Variants in LRRC57 observed in about 807,000 individuals in gnomAD.
LRRC57 encodes the protein leucine rich repeat containing 57.
A neutral mutation model predicts 23.1 loss-of-function variants in LRRC57; 14 were observed. That is an observed-to-expected ratio of 0.61 (90% CI 0.40 to 0.95). LRRC57 has a LOEUF of 0.95. LRRC57 is among the 40% of genes least tolerant of loss of function. The pLI, the probability that LRRC57 is intolerant of heterozygous loss-of-function variation, is 0.00. For missense variants in LRRC57, 236 were observed against 284.4 expected (o/e 0.83, Z 1.22); for synonymous variants, 106 against 115.2 (o/e 0.92, Z 0.51).
the LRRC57 span, chr15:42,528,383 C>T: frequency 2.5e-6 from 4 of 1,614,004 alleles, no homozygotes; most frequent in South Asian, 4.4e-5. Flanking sequence ...GCTTCAGCAA[C>T]CAACAACGGG....
downstream of LRRC57, among the ~76,000 whole-genome samples, chr15:42,534,058 G>C (rs8036149): frequency 0.98 from 150,008 of 152,294 alleles, 73,918 homozygotes; most frequent in East Asian, 1. Flanking sequence ...AACCACATCT[G>C]TACTAAACAT....
chr15:42,529,866 G>A, the LRRC57 span: 46 of 1,595,722 alleles, frequency 2.9e-5, no homozygotes, highest in Non-Finnish European at 3.8e-5. Context: ...CCAGTTCAGT[G>A]TTTCAGTAAT....
intron 4 of LRRC57, among the ~76,000 whole-genome samples, chr15:42,546,447 G>A (rs1267476375): frequency 6.6e-6 from 1 of 151,470 alleles, no homozygotes; most frequent in African/African-American, 2.4e-5. Context: ...ATCCACTTAA[G>A]GTAAAAAAAC....
downstream of LRRC57, among the ~76,000 whole-genome samples, chr15:42,534,063 A>G (rs2057587140): frequency 6.6e-6 from 1 of 152,140 alleles, no homozygotes; most frequent in Non-Finnish European, 1.5e-5. Flanking sequence ...CATCTGTACT[A>G]AACATACAGT....
At position 42,538,494 on chromosome 15, in the gene LRRC57, G is replaced by C. The variant is rs1595536364; in HGVS notation, c.*5589C>G. ...GCTGGCCTCAAACTCCTAGGTTCAA[G>C]GGATCCTCCAGCCTCAGGCCTCCTC... On this transcript the variant is annotated 3_prime_UTR_variant, in exon 6 of 6. Transcript: ENST00000397130. 2 of 152,202 alleles carry C rather than the reference G, an allele frequency of 1.3e-5. No homozygotes were observed. The highest frequency in any genetic ancestry group is 4.2e-4 in the South Asian group (2 of 4,818). 9.4% of individuals were successfully genotyped at this position (152,202 alleles called of 1,614,324 possible). A position where few individuals can be genotyped will look rare whatever the true frequency, so the allele number is the denominator to read the frequency against.
rs1317513073 is a variant in LRRC57 at position 42,539,497 on chromosome 15, A to AAAAAAAAAAAAAAAACAAAAAAG, written c.*4585_*4586insCTTTTTTGTTTTTTTTTTTTTTT. ...TGTCTCAAAAAAAAAAAAAAAAAAA[A>AAAAAAAAAAAAAAAACAAAAAAG]AGAGACTTAAAAGCCAGGCAGTGGC... On this transcript the variant is annotated 3_prime_UTR_variant, in exon 6 of 6. Transcript: ENST00000397130. The AAAAAAAAAAAAAAAACAAAAAAG allele has an allele frequency of 6.7e-6, 1 of 149,266 alleles. No homozygotes were observed. Among genetic ancestry groups the AAAAAAAAAAAAAAAACAAAAAAG allele is most frequent in the African/African-American group, 2.5e-5 (1 of 40,714 alleles). 9.2% of individuals were successfully genotyped at this position (149,266 alleles called of 1,614,324 possible). A position where few individuals can be genotyped will look rare whatever the true frequency, so the allele number is the denominator to read the frequency against.
chr15:42,537,394 TGCTG>T (rs1383805362), downstream of LRRC57, among the ~76,000 whole-genome samples: 3 of 152,068 alleles, frequency 2.0e-5, no homozygotes, highest in Admixed American at 6.6e-5. Flanking sequence ...AGTGAGAAAA[TGCTG>T]GCAAGGATGC....
chr15:42,544,842 C>CACAATATATA, intron 5 of LRRC57, among the ~76,000 whole-genome samples: 4 of 98,028 alleles, frequency 4.1e-5, no homozygotes, highest in African/African-American at 2.7e-4. Flanking sequence ...CACACACACA[C>CACAATATATA]TATATATATA....
Position 42,537,999 on chromosome 15 carries a change from G to A in LRRC57, c.*6084C>T, listed in dbSNP as rs1350747824. ...ATAAGTTTTAATGCTTGATAGCATAGTACGGTGACTATACTTAATGTAAGT... is the reference window on the plus strand; with the variant it reads ...ATAAGTTTTAATGCTTGATAGCATAATACGGTGACTATACTTAATGTAAGT... On this transcript the variant is annotated 3_prime_UTR_variant, in exon 6 of 6. Transcript: ENST00000397130. 2.0e-5 allele frequency: 3 copies of A among 152,162 alleles called. No individual in the cohort carries two copies. Among genetic ancestry groups the A allele is most frequent in the African/African-American group, 4.8e-5 (2 of 41,436 alleles). The allele number at this position is 152,162 out of a possible 1,614,324, so 9.4% of individuals were successfully genotyped here.
chr15:42,532,107 T>C, the LRRC57 span: 1 of 152,086 alleles, frequency 6.6e-6, no homozygotes, highest in Non-Finnish European at 1.5e-5. Context: ...TTTTTTTTTT[T>C]TGGAGTCAGA....
chr15:42,529,852 A>G, the LRRC57 span: 3 of 1,607,708 alleles, frequency 1.9e-6, no homozygotes, highest in South Asian at 1.1e-5. Flanking sequence ...AGAAAATGAG[A>G]CACCCAGTTC....
At chr15:42,532,877 C>T (rs1270018547), downstream of LRRC57, 1 of 152,638 alleles carries the variant, frequency 6.6e-6, no homozygotes, top group African/African-American at 2.4e-5. Context: ...TTCTCTTACC[C>T]TTGTGTATTG....
intron 1 of LRRC57, 61 bp from the exon 2 acceptor site, chr15:42,548,517 C>A: frequency 7.2e-7 from 1 of 1,384,816 alleles, no homozygotes; most frequent in Non-Finnish European, 9.9e-7. Context: ...CCGGCTGGGG[C>A]TCCTGCCCCA....
chr15:42,532,666 C>T, the LRRC57 span: 7 of 152,584 alleles, frequency 4.6e-5, no homozygotes, highest in African/African-American at 1.4e-4. Flanking sequence ...ACAAAGCATA[C>T]CACATGAATT....
At position 42,543,777 on chromosome 15, in the gene LRRC57, A is replaced by G. The variant is rs1188163197; in HGVS notation, c.*306T>C. 2.8e-5 allele frequency: 8 copies of G among 283,892 alleles called. No homozygotes were observed. Among genetic ancestry groups the G allele is most frequent in the Non-Finnish European group, 4.6e-5 (7 of 152,386 alleles). The allele number at this position is 283,892 out of a possible 1,614,324, so 17.6% of individuals were successfully genotyped here. A position where few individuals can be genotyped will look rare whatever the true frequency, so the allele number is the denominator to read the frequency against. ...TGTTACCAGGCAGCACCCCCTCACC[A>G]TATAAATAGCAGCTAGCTACTGGTT... On this transcript the variant is annotated 3_prime_UTR_variant, in exon 6 of 6. Transcript: ENST00000397130.
In LRRC57 at chr15:42,544,055, T is replaced by C; in HGVS notation, c.*28A>G. 2 of 1,607,414 alleles carry C rather than the reference T, an allele frequency of 1.2e-6. No individual in the cohort carries two copies. The highest frequency in any genetic ancestry group is 1.7e-6 in the Non-Finnish European group (2 of 1,174,848). On this transcript the variant is annotated 3_prime_UTR_variant, in exon 6 of 6. Transcript: ENST00000397130. Reference sequence around the variant, plus strand: ...CAACAGAGGTTCTAAGTCAGTATCCTGTAAGGTTTCCATAGTCCTGGAGAA... The same window carrying C: ...CAACAGAGGTTCTAAGTCAGTATCCCGTAAGGTTTCCATAGTCCTGGAGAA...
chr15:42,548,283 G>C, intron 2 of LRRC57, 39 bp from the exon 3 acceptor site: 3 of 1,613,804 alleles, frequency 1.9e-6, no homozygotes, highest in Non-Finnish European at 2.5e-6. Context: ...ATCCCGCACC[G>C]ACTAAGTTCG....
chr15:42,547,990 C>T, intron 3 of LRRC57, 116 bp downstream of exon 3: 2 of 1,023,802 alleles, frequency 2.0e-6, no homozygotes, highest in Non-Finnish European at 2.9e-6. Context: ...TTCCGGCATT[C>T]GCAACTTGAG....
In LRRC57 at chr15:42,545,065, A is replaced by G. The variant is rs2141579394; in HGVS notation, c.678+12T>C. The G allele has an allele frequency of 1.9e-6, 3 of 1,565,368 alleles. No individual in the cohort carries two copies. The highest frequency in any genetic ancestry group is 2.3e-5 in the East Asian group (1 of 43,548). ...GTAGTGACTAGAAATGCAGAAGTAC[A>G]TTAATTCATACCTTATCATAGCCTT... On this transcript the variant is annotated intron_variant, in intron 5 of 5. Transcript: ENST00000397130.
Sources: gnomAD v4.1 joint callset for allele counts (sites outside exome capture counted in the v4.1 genomes callset) on GRCh38, gnomAD v4.1.1 for gene constraint, MANE v1.5 for transcripts, NCBI Gene and HGNC (gene_info 2026-07-23, HGNC 2026-07-21) for gene names.